The following CNTNAP2 variants were observed in gnomAD, a reference collection of about 807,000 sequenced individuals.
CNTNAP2 encodes contactin-associated protein-like 2.
A neutral mutation model predicts 155.2 loss-of-function variants in CNTNAP2; 98 were observed. The observed-to-expected ratio is 0.63, with a 90% CI of 0.54 to 0.75. CNTNAP2 has a LOEUF of 0.75. CNTNAP2 is among the 30% of genes least tolerant of loss of function. CNTNAP2 has a pLI of 0.00. For missense variants in CNTNAP2, 1,727 were observed against 1,688.1 expected, an observed-to-expected ratio of 1.02 and a Z score of -0.40; for synonymous variants, 651 against 631.2, an observed-to-expected ratio of 1.03 and a Z score of -0.47.
At chr7:148,301,287 C>A (rs1797383553) in intron 21 of CNTNAP2, among the ~76,000 whole-genome samples, 1 of 72,336 alleles carries the variant, frequency 1.4e-5, no homozygotes, top group Non-Finnish European at 2.7e-5. Flanking sequence ...AGGCGAGACT[C>A]CGTCTAAAAA....
At chr7:147,070,724 C>G (rs1040120535) in intron 4 of CNTNAP2, among the ~76,000 whole-genome samples, 13 of 152,134 alleles carry the variant, frequency 8.5e-5, no homozygotes, top group African/African-American at 3.1e-4. Flanking sequence ...GTTTTTATGT[C>G]CTTCTTAGAG....
At chr7:146,123,212 C>T (rs747174667) in intron 1 of CNTNAP2, among the ~76,000 whole-genome samples, 1 of 152,082 alleles carries the variant, frequency 6.6e-6, no homozygotes, top group Non-Finnish European at 1.5e-5. Flanking sequence ...GGGCCGTATT[C>T]TGTATTTACC....
intron 1 of CNTNAP2, among the ~76,000 whole-genome samples, chr7:146,710,599 A>G (rs1801046830): frequency 6.6e-6 from 1 of 152,146 alleles, no homozygotes; most frequent in Non-Finnish European, 1.5e-5. Flanking sequence ...CAAAGTTACT[A>G]CTATAGGAGC....
intron 2 of CNTNAP2, among the ~76,000 whole-genome samples, chr7:146,807,317 A>T (rs1384415474): frequency 6.6e-6 from 1 of 152,166 alleles, no homozygotes; most frequent in Non-Finnish European, 1.5e-5. Context: ...CCATAGTCTT[A>T]CATATTTTAA....
intron 21 of CNTNAP2, 51 bp from the exon 22 acceptor site, chr7:148,383,598 A>C: frequency 1.2e-6 from 2 of 1,614,090 alleles, no homozygotes; most frequent in Admixed American, 3.3e-5. Flanking sequence ...TATGTTGTAC[A>C]GCTGGACTAT....
At chr7:146,919,190 A>G (rs529134745) in intron 3 of CNTNAP2, among the ~76,000 whole-genome samples, 1 of 152,218 alleles carries the variant, frequency 6.6e-6, no homozygotes, top group South Asian at 2.1e-4. Flanking sequence ...CTGGCAATTC[A>G]GAGATTTTGT....
chr7:148,233,402 G>GA (rs1283638297), intron 20 of CNTNAP2, among the ~76,000 whole-genome samples: 1 of 152,000 alleles, frequency 6.6e-6, no homozygotes, highest in African/African-American at 2.4e-5. Flanking sequence ...CCAAGATCGA[G>GA]AAAATAGAAC....
chr7:147,888,227 A>G (rs933916671), intron 13 of CNTNAP2, among the ~76,000 whole-genome samples: 2 of 152,174 alleles, frequency 1.3e-5, no homozygotes, highest in Non-Finnish European at 2.9e-5. Flanking sequence ...TAAAGAGAAA[A>G]GTGGATATAC....
At chr7:147,583,408 A>G (rs912018053) in intron 12 of CNTNAP2, among the ~76,000 whole-genome samples, 1 of 151,086 alleles carries the variant, frequency 6.6e-6, no homozygotes, top group Non-Finnish European at 1.5e-5. Context: ...ATCACCAACC[A>G]CTTCTGCTCC....
intron 1 of CNTNAP2, among the ~76,000 whole-genome samples, chr7:146,437,657 A>G (rs1487169789): frequency 6.6e-6 from 1 of 151,634 alleles, no homozygotes; most frequent in Non-Finnish European, 1.5e-5. Context: ...TAAAAAAATA[A>G]TTGTACATCA....
At chr7:147,386,235 C>T (rs906369153) in intron 9 of CNTNAP2, among the ~76,000 whole-genome samples, 4 of 152,140 alleles carry the variant, frequency 2.6e-5, no homozygotes, top group Non-Finnish European at 5.9e-5. Context: ...AAAGTTCTGA[C>T]ATGCCCTGGA....
chr7:146,800,044 C>A (rs558891797), intron 2 of CNTNAP2, among the ~76,000 whole-genome samples: 145 of 152,100 alleles, frequency 9.5e-4, no homozygotes, highest in African/African-American at 3.2e-3. Flanking sequence ...AGTTCTAATT[C>A]TGAATAGTAG....
intron 15 of CNTNAP2, among the ~76,000 whole-genome samples, chr7:148,020,380 TGTATA>T (rs1168624323): frequency 1.3e-5 from 2 of 152,242 alleles, no homozygotes; most frequent in African/African-American, 4.8e-5. Context: ...TCAAGTTTAC[TGTATA>T]GTATATCTAT....
At chr7:148,206,135 A>G (rs1795445766) in intron 18 of CNTNAP2, among the ~76,000 whole-genome samples, 2 of 150,588 alleles carry the variant, frequency 1.3e-5, no homozygotes, top group South Asian at 4.2e-4. Context: ...AAATGGGACT[A>G]TGGTGTTGTA....
intron 13 of CNTNAP2, among the ~76,000 whole-genome samples, chr7:147,786,763 T>A (rs1797746058): frequency 6.6e-6 from 1 of 151,334 alleles, no homozygotes; most frequent in Admixed American, 6.6e-5. Flanking sequence ...AGGCCAGGAG[T>A]TCAAGACCAG....
At chr7:146,864,520 A>C (rs563390541) in intron 3 of CNTNAP2, among the ~76,000 whole-genome samples, 10 of 152,170 alleles carry the variant, frequency 6.6e-5, no homozygotes, top group Non-Finnish European at 8.8e-5. Context: ...TTTGAATGAG[A>C]AAAAGATATG....
intron 16 of CNTNAP2, among the ~76,000 whole-genome samples, chr7:148,142,880 T>C (rs1387223420): frequency 6.6e-6 from 1 of 152,218 alleles, no homozygotes; most frequent in Non-Finnish European, 1.5e-5. Flanking sequence ...AGCGTGAACA[T>C]GCCAAGAGCT....
At position 147,001,414 on chromosome 7, in the gene CNTNAP2, C is replaced by T. The variant is rs921463387; in HGVS notation, c.403-42493C>T. Among the ~76,000 whole-genome samples, 2 of 151,960 alleles carry T rather than the reference C, an allele frequency of 1.3e-5. 1 individual carries two copies. The highest frequency in any genetic ancestry group is 6.8e-3 in the Middle Eastern group (2 of 294). ...AGACACGCATCTTTTAATTATTTTACAGATGAGTAAAAGAATCAAATGTGA... is the reference window on the plus strand; with the variant it reads ...AGACACGCATCTTTTAATTATTTTATAGATGAGTAAAAGAATCAAATGTGA... On this transcript the variant is annotated intron_variant, in intron 3 of 23. Transcript: ENST00000361727.
intron 13 of CNTNAP2, among the ~76,000 whole-genome samples, chr7:147,642,135 G>A (rs768980534): frequency 5.9e-5 from 9 of 152,026 alleles, no homozygotes; most frequent in Non-Finnish European, 1.0e-4. Context: ...TGTCTTCACT[G>A]TTTCATGAGC....
Sources: allele counts gnomAD v4.1 joint callset (sites outside exome capture counted in the v4.1 genomes callset), GRCh38; gene constraint gnomAD v4.1.1; transcripts MANE v1.5; gene names NCBI Gene and HGNC (gene_info 2026-07-23, HGNC 2026-07-21).